Variants in RASGEF1C observed in about 807,000 individuals in gnomAD.
RASGEF1C encodes the protein RasGEF domain family member 1C, also known as ras-GEF domain-containing family member 1C.
RASGEF1C carries 27 observed loss-of-function variants against 58.1 expected under a neutral mutation model. The observed-to-expected ratio is 0.46, with a 90% confidence interval of 0.34 to 0.64. The LOEUF is 0.64. Ranked by LOEUF, RASGEF1C falls within the 30% of genes least tolerant of loss-of-function variation. The probability of loss-of-function intolerance (pLI) is 0.01; values close to 1 mark genes in which losing one functional copy is unlikely to be tolerated. For synonymous variants in RASGEF1C, 243 were observed against 246.3 expected, an observed-to-expected ratio of 0.99 and a Z score of 0.13; for missense variants, 502 against 605.1, an observed-to-expected ratio of 0.83 and a Z score of 1.79.
intron 7 of RASGEF1C, among the ~76,000 whole-genome samples, chr5:180,120,771 A>G (rs1323909830): frequency 6.6e-6 from 1 of 152,164 alleles, no homozygotes; most frequent in Admixed American, 6.5e-5. Context: ...ACAGATGGAG[A>G]GAGCAGAGCC....
At chr5:180,191,502 G>T (rs563087785) in intron 1 of RASGEF1C, among the ~76,000 whole-genome samples, 1 of 152,108 alleles carries the variant, frequency 6.6e-6, no homozygotes, top group Non-Finnish European at 1.5e-5. Flanking sequence ...GACTACAGGC[G>T]CCCGCCACCA....
intron 1 of RASGEF1C, among the ~76,000 whole-genome samples, chr5:180,205,375 C>CG (rs1274713052): frequency 2.6e-5 from 4 of 152,024 alleles, no homozygotes; most frequent in Non-Finnish European, 4.4e-5. Context: ...GAATAAACTT[C>CG]ATAAGAAATA....
intron 1 of RASGEF1C, among the ~76,000 whole-genome samples, chr5:180,173,090 A>C (rs948552053): frequency 6.6e-6 from 1 of 152,216 alleles, no homozygotes; most frequent in African/African-American, 2.4e-5. Flanking sequence ...AGTCACCTGC[A>C]GTTGACAAGC....
At chr5:180,205,563 G>C (rs921425496) in intron 1 of RASGEF1C, among the ~76,000 whole-genome samples, 8 of 152,100 alleles carry the variant, frequency 5.3e-5, no homozygotes, top group Non-Finnish European at 7.4e-5. Flanking sequence ...CCGAACAGCA[G>C]CAACGTGCTG....
chr5:180,198,152 A>G lies in RASGEF1C; in HGVS notation c.-7+10876T>C, dbSNP rs138634202. Among the ~76,000 whole-genome samples, 1,434 of 152,330 alleles carry G rather than the reference A, an allele frequency of 9.4e-3. 35 individuals are homozygous for G. Among genetic ancestry groups the G allele is most frequent in the South Asian group, 0.088 (425 of 4,830 alleles). On this transcript the variant is annotated intron_variant, in intron 1 of 13. Transcript: ENST00000361132. This position sits in a 1 kb window ranked among gnomAD's most constrained non-coding sequence, Gnocchi z 4.5. ...CATTGGTGGCAGGACCCTGGGCAGTAAGGCCCTAAGGAAACTGGAAACAGG... is the reference window on the plus strand; with the variant it reads ...CATTGGTGGCAGGACCCTGGGCAGTGAGGCCCTAAGGAAACTGGAAACAGG...
At chr5:180,103,679 C>G (rs2113232919) in intron 12 of RASGEF1C, among the ~76,000 whole-genome samples, 1 of 152,276 alleles carries the variant, frequency 6.6e-6, no homozygotes, top group East Asian at 1.9e-4. Context: ...CCTGTTCTTG[C>G]CTTATCGCAC....
At chr5:180,118,907 CAG>C (rs781214094) in intron 8 of RASGEF1C, 41 bp from the exon 9 acceptor site, 21 of 1,584,626 alleles carry the variant, frequency 1.3e-5, no homozygotes, top group African/African-American at 9.4e-5. Flanking sequence ...GCTCCTGGGA[CAG>C]GGGGGCCTCT....
intron 12 of RASGEF1C, among the ~76,000 whole-genome samples, chr5:180,109,974 A>G (rs182020499): frequency 2.0e-5 from 3 of 151,984 alleles, no homozygotes; most frequent in Admixed American, 1.3e-4. Flanking sequence ...TGCTCTCCAG[A>G]AGTGTGTAAG....
At position 180,118,599 on chromosome 5, in the gene RASGEF1C, C is replaced by A; in HGVS notation, c.1083+10G>T. On this transcript the variant is annotated intron_variant, in intron 10 of 13. Transcript: ENST00000361132. Reference sequence around the variant, plus strand: ...TGCAGCCCCCCTGGGCCAACGTGGCCCCGACCTACCTTCTCTCGGCTGCTG... The same window carrying A: ...TGCAGCCCCCCTGGGCCAACGTGGCACCGACCTACCTTCTCTCGGCTGCTG... 1 of 1,599,980 alleles carries A rather than the reference C, an allele frequency of 6.3e-7. No homozygotes were observed. Among genetic ancestry groups the A allele is most frequent in the Non-Finnish European group, 8.5e-7 (1 of 1,173,118 alleles).
Position 180,143,793 on chromosome 5 carries a change from C to T in RASGEF1C, c.-6-5735G>A, listed in dbSNP as rs1031582058. ...ACAGACCCTGTTCCTGCTGGGGTCC[C>T]CACATCCCTCAGCATGGGTGGCTGG... On this transcript the variant is annotated intron_variant, in intron 1 of 13. Coordinates refer to ENST00000361132, the MANE Select transcript of RASGEF1C (RefSeq NM_175062.4). This position sits in a 1 kb window ranked among gnomAD's most constrained non-coding sequence, Gnocchi z 4.3. Among the ~76,000 whole-genome samples the T allele has an allele frequency of 6.6e-6, 1 of 152,158 alleles. No individual in the cohort carries two copies. The highest frequency in any genetic ancestry group is 1.5e-5 in the Non-Finnish European group (1 of 68,024).
intron 1 of RASGEF1C, among the ~76,000 whole-genome samples, chr5:180,149,805 C>T (rs1379129177): frequency 6.6e-6 from 1 of 152,196 alleles, no homozygotes; most frequent in Non-Finnish European, 1.5e-5. Flanking sequence ...TCTCAATATT[C>T]TCTATTTGTT....
chr5:180,173,936 A>AT (rs1452083209), intron 1 of RASGEF1C, among the ~76,000 whole-genome samples: 1 of 151,846 alleles, frequency 6.6e-6, no homozygotes, highest in East Asian at 1.9e-4. Flanking sequence ...AAAAAAAAAA[A>AT]ACCTGCGCAA....
intron 1 of RASGEF1C, among the ~76,000 whole-genome samples, chr5:180,193,551 A>T (rs1756207519): frequency 6.6e-6 from 1 of 152,166 alleles, no homozygotes; most frequent in African/African-American, 2.4e-5. Flanking sequence ...GGGGGACTCA[A>T]CAGGACAAGT....
intron 1 of RASGEF1C, among the ~76,000 whole-genome samples, chr5:180,207,076 T>C (rs1024082294): frequency 6.6e-6 from 1 of 152,188 alleles, no homozygotes; most frequent in Admixed American, 6.5e-5. Flanking sequence ...AAGCTCCAAA[T>C]TGAATGCAAG....
At chr5:180,164,211 T>C (rs1766986702) in intron 1 of RASGEF1C, among the ~76,000 whole-genome samples, 1 of 152,202 alleles carries the variant, frequency 6.6e-6, no homozygotes, top group Non-Finnish European at 1.5e-5. Flanking sequence ...CATTTTCTGT[T>C]TTCAACATCG....
rs149068352 is a variant in RASGEF1C at position 180,180,395 on chromosome 5, G to A, written c.-7+28633C>T. Among the ~76,000 whole-genome samples, 141 of 152,328 alleles carry A rather than the reference G, an allele frequency of 9.3e-4. 2 individuals carry two copies. Among genetic ancestry groups the A allele is most frequent in the Non-Finnish European group, 7.3e-5 (5 of 68,036 alleles). ...TGCTGCTGTTTGAGACGAGCTCCAC[G>A]ACCCAAAGCAGTCAGAAGACAAACT... is the stretch of plus-strand genomic sequence containing the variant. On this transcript the variant is annotated intron_variant, in intron 1 of 13. Coordinates refer to ENST00000361132, the MANE Select transcript of RASGEF1C (RefSeq NM_175062.4).
intron 1 of RASGEF1C, among the ~76,000 whole-genome samples, chr5:180,157,638 A>C (rs953060452): frequency 7.2e-5 from 11 of 152,022 alleles, no homozygotes; most frequent in Admixed American, 1.3e-4. Flanking sequence ...AAAAAAAAAA[A>C]AACAACAAAA....
intron 10 of RASGEF1C, among the ~76,000 whole-genome samples, 191 bp from the exon 11 acceptor site, chr5:180,114,732 G>A (rs1561731803): frequency 6.6e-6 from 1 of 152,236 alleles, no homozygotes; most frequent in Non-Finnish European, 1.5e-5. Context: ...GAATTCCTGT[G>A]CACCATGGAG....
rs1408899391 is a variant in RASGEF1C, at chr5:180,209,162, G to A, written c.-141C>T. 6.2e-5 allele frequency: 9 copies of A among 145,948 alleles called. No homozygotes were observed. The highest frequency in any genetic ancestry group is 1.7e-4 in the African/African-American group (7 of 40,210). 9.0% of individuals were successfully genotyped at this position (145,948 alleles called of 1,614,324 possible). A position where few individuals can be genotyped will look rare whatever the true frequency, so the allele number is the denominator to read the frequency against. ...GCCGCCGCCGCCGCCCGACCGCCCG[G>A]CTCCCAGCGCAGCCCGCACGAGCGC... On this transcript the variant is annotated 5_prime_UTR_variant, in exon 1 of 14. Transcript: ENST00000361132.
Sources: gnomAD v4.1 joint callset for allele counts (sites outside exome capture counted in the v4.1 genomes callset) on GRCh38, gnomAD v4.1.1 for gene constraint, Gnocchi (gnomAD v3.1) non-coding constraint, MANE v1.5 for transcripts, NCBI Gene and HGNC (gene_info 2026-07-23, HGNC 2026-07-21) for gene names.